Variants in ANK2 observed in about 807,000 individuals in gnomAD.
ANK2 encodes ankyrin 2.
A neutral mutation model predicts 360.5 loss-of-function variants in ANK2; 83 were observed. That is an observed-to-expected ratio of 0.23 (90% CI 0.19 to 0.28). The LOEUF is 0.28. Ranked by LOEUF, ANK2 falls within the 10% of genes least tolerant of loss-of-function variation. The probability of loss-of-function intolerance (pLI) is 1.00; values close to 1 mark genes in which losing one functional copy is unlikely to be tolerated. For synonymous variants in ANK2, 1,740 were observed against 1,759.5 expected, an observed-to-expected ratio of 0.99 and a Z score of 0.28; for missense variants, 4,201 against 4,795.7, an observed-to-expected ratio of 0.88 and a Z score of 3.66.
upstream of ANK2, among the ~76,000 whole-genome samples, chr4:112,814,201 T>C (rs1175656811): frequency 6.6e-6 from 1 of 152,222 alleles, no homozygotes; most frequent in Non-Finnish European, 1.5e-5. Flanking sequence ...ATCGCATCCT[T>C]TAATTCAATA....
the ANK2 span, among the ~76,000 whole-genome samples, chr4:112,775,906 G>T: frequency 4.6e-5 from 7 of 152,214 alleles, no homozygotes; most frequent in Non-Finnish European, 7.3e-5. Context: ...CTCCTGGAGG[G>T]CTTGTTAAAA....
rs1440304517 is a variant in ANK2 at position 113,284,911 on chromosome 4, T to A, written c.2079+2039T>A. On this transcript the variant is annotated intron_variant, in intron 18 of 45. Transcript: ENST00000357077. ...TCCCATTGCTTTTGAAGAAAACATA[T>A]ATTCTTTTCTTTTTAAGGCCAACTC... Among the ~76,000 whole-genome samples, 14 of 152,170 alleles carry A rather than the reference T, an allele frequency of 9.2e-5. 1 individual carries two copies. The highest frequency in any genetic ancestry group is 9.2e-4 in the Admixed American group (14 of 15,280).
chr4:113,186,191 C>T (rs2098517737), intron 2 of ANK2, among the ~76,000 whole-genome samples: 1 of 152,232 alleles, frequency 6.6e-6, no homozygotes, highest in Non-Finnish European at 1.5e-5. Context: ...TGGGATGAAA[C>T]TTCCAGAGGA....
the ANK2 span, among the ~76,000 whole-genome samples, chr4:112,711,766 G>C: frequency 4.6e-3 from 697 of 151,784 alleles, 5 homozygotes; most frequent in African/African-American, 0.016. Context: ...GTTGCAGTGA[G>C]CCGAGATCAT....
chr4:113,015,933 T>C (rs1005862449), intron 2 of ANK2, among the ~76,000 whole-genome samples: 6 of 152,142 alleles, frequency 3.9e-5, no homozygotes, highest in East Asian at 1.9e-4. Context: ...AAAGGCAATA[T>C]TGGCAAAACA....
chr4:113,102,495 C>T (rs898560361), intron 1 of ANK2, among the ~76,000 whole-genome samples: 6 of 152,004 alleles, frequency 3.9e-5, no homozygotes, highest in Non-Finnish European at 7.4e-5. Context: ...GCTGGTGGGG[C>T]GCATGTATAG....
chr4:113,366,297 A>G (rs2096531855), intron 41 of ANK2, among the ~76,000 whole-genome samples: 1 of 151,692 alleles, frequency 6.6e-6, no homozygotes, highest in Admixed American at 6.6e-5. Flanking sequence ...TCATTCTTCA[A>G]CTTACTTTGC....
intron 10 of ANK2, 145 bp from the exon 11 acceptor site, chr4:113,255,590 G>A: frequency 2.6e-6 from 2 of 767,950 alleles, no homozygotes; most frequent in Non-Finnish European, 4.3e-6. Context: ...AATATAGTCT[G>A]CTGTATATTC....
intron 2 of ANK2, among the ~76,000 whole-genome samples, chr4:112,925,330 A>C (rs2092388248): frequency 2.6e-5 from 4 of 152,226 alleles, no homozygotes; most frequent in Admixed American, 2.6e-4. Context: ...CAAATGCTTC[A>C]GTTTGTCTCT....
At chr4:113,269,001 C>T (rs1256336030) in intron 14 of ANK2, among the ~76,000 whole-genome samples, 1 of 152,132 alleles carries the variant, frequency 6.6e-6, no homozygotes, top group African/African-American at 2.4e-5. Context: ...GGAATTTATC[C>T]ATTTCTTCTA....
the ANK2 span, among the ~76,000 whole-genome samples, chr4:112,806,544 T>G: frequency 6.6e-6 from 1 of 152,090 alleles, no homozygotes; most frequent in Non-Finnish European, 1.5e-5. Flanking sequence ...AATATACTGA[T>G]TTCAGGCCAG....
chr4:113,001,202 G>A (rs1484837053), intron 2 of ANK2, among the ~76,000 whole-genome samples: 3 of 151,796 alleles, frequency 2.0e-5, no homozygotes, highest in African/African-American at 7.3e-5. Context: ...ATGTTGGCAG[G>A]TGCCTGTAAT....
chr4:113,336,352 A>C, intron 30 of ANK2: 1 of 591,748 alleles, frequency 1.7e-6, no homozygotes, highest in Non-Finnish European at 2.9e-6. Flanking sequence ...GAATCAGATT[A>C]TTCCTAGTAA....
upstream of ANK2, among the ~76,000 whole-genome samples, chr4:112,814,437 TTTTG>T (rs901979881): frequency 3.6e-4 from 14 of 39,436 alleles, no homozygotes; most frequent in Non-Finnish European, 8.2e-4. Flanking sequence ...TTTTTTGTTT[TTTTG>T]TTTGTTTGTT....
At chr4:112,839,217 C>G (rs1308092717) in intron 1 of ANK2, among the ~76,000 whole-genome samples, 1 of 152,190 alleles carries the variant, frequency 6.6e-6, no homozygotes, top group East Asian at 1.9e-4. Context: ...ACATACTGTA[C>G]TTTCATTCAC....
intron 2 of ANK2, among the ~76,000 whole-genome samples, chr4:112,983,083 T>C (rs1038117719): frequency 6.6e-6 from 1 of 152,208 alleles, no homozygotes; most frequent in African/African-American, 2.4e-5. Flanking sequence ...TCATTAACTC[T>C]TAGCAGTATT....
intron 1 of ANK2, among the ~76,000 whole-genome samples, chr4:112,892,515 C>G (rs541789547): frequency 6.6e-6 from 1 of 152,142 alleles, no homozygotes; most frequent in Non-Finnish European, 1.5e-5. Flanking sequence ...TATTAAGGAT[C>G]GTAACAATTA....
chr4:112,744,065 G>A, the ANK2 span, among the ~76,000 whole-genome samples: 3 of 151,530 alleles, frequency 2.0e-5, no homozygotes, highest in African/African-American at 7.3e-5. Context: ...CTCGAATTCT[G>A]CCCACCTCGG....
chr4:112,799,238 C>G, the ANK2 span, among the ~76,000 whole-genome samples: 1 of 152,118 alleles, frequency 6.6e-6, no homozygotes, highest in Admixed American at 6.6e-5. Context: ...ACTTGGGTTG[C>G]TTCAATGGGC....
Sources: gnomAD v4.1 joint callset for allele counts (sites outside exome capture counted in the v4.1 genomes callset) on GRCh38, gnomAD v4.1.1 for gene constraint, MANE v1.5 for transcripts, NCBI Gene and HGNC (gene_info 2026-07-23, HGNC 2026-07-21) for gene names.